The following NIBAN1 variants were observed in gnomAD, a reference collection of about 807,000 sequenced individuals.
NIBAN1 encodes protein Niban 1.
A neutral mutation model predicts 75.1 loss-of-function variants in NIBAN1; 81 were observed. The observed-to-expected ratio is 1.08, with a 90% CI of 0.90 to 1.30. The LOEUF (loss-of-function observed/expected upper bound fraction) is 1.30. Ranked by LOEUF, NIBAN1 falls within the 50% of genes most tolerant of loss-of-function variation. The pLI is 0.00. For missense variants in NIBAN1, 1,133 were observed against 1,128.1 expected, an observed-to-expected ratio of 1.00 and a Z score of -0.06; for synonymous variants, 436 against 424.8, an observed-to-expected ratio of 1.03 and a Z score of -0.32.
intron 1 of NIBAN1, among the ~76,000 whole-genome samples, chr1:184,940,826 A>C (rs1268670786): frequency 6.6e-6 from 1 of 152,260 alleles, no homozygotes; most frequent in African/African-American, 2.4e-5. Flanking sequence ...GAGGAGGATC[A>C]TTCCATTTCT....
chr1:184,834,806 C>T (rs1655094742), intron 5 of NIBAN1, among the ~76,000 whole-genome samples: 1 of 152,058 alleles, frequency 6.6e-6, no homozygotes, highest in Non-Finnish European at 1.5e-5. Context: ...CTGTAGGTTG[C>T]CTGTTCACTC....
At chr1:184,973,961 G>A (rs1473522680) in intron 1 of NIBAN1, among the ~76,000 whole-genome samples, 2 of 152,302 alleles carry the variant, frequency 1.3e-5, no homozygotes, top group East Asian at 3.9e-4. Context: ...GGCCAGTTCA[G>A]AAACCGCTCA....
intron 1 of NIBAN1, among the ~76,000 whole-genome samples, chr1:184,938,095 A>T (rs1379383895): frequency 6.6e-6 from 1 of 152,244 alleles, no homozygotes; most frequent in African/African-American, 2.4e-5. Context: ...ATGGAGATTA[A>T]CAGGGAGCTG....
At chr1:184,827,560 G>GTTTTGTTTT (rs1553217799) in intron 6 of NIBAN1, among the ~76,000 whole-genome samples, 1 of 117,682 alleles carries the variant, frequency 8.5e-6, no homozygotes. Context: ...AAATACTTCA[G>GTTTTGTTTT]TTTTTTTTTT....
rs770427211 is a variant in NIBAN1 at position 184,913,206 on chromosome 1, T to A, written c.56-13897A>T. On this transcript the variant is annotated intron_variant, in intron 1 of 13. Coordinates refer to ENST00000367511, the MANE Select transcript of NIBAN1 (RefSeq NM_052966.4). ...CAGGTATATATATATATAGGAAAAA[T>A]TTGTAGACATGAAAATGCTAAGTCA... is the stretch of plus-strand genomic sequence containing the variant. Among the ~76,000 whole-genome samples, 95 of 147,284 alleles carry A rather than the reference T, an allele frequency of 6.5e-4. 3 individuals carry two copies. The highest frequency in any genetic ancestry group is 1.1e-3 in the Non-Finnish European group (74 of 65,792).
In NIBAN1 at chr1:184,825,335, G is replaced by T. The variant is rs561446408; in HGVS notation, c.718-1593C>A. Among the ~76,000 whole-genome samples, 251 of 152,294 alleles carry T rather than the reference G, an allele frequency of 1.6e-3. 2 individuals are homozygous for T. The highest frequency in any genetic ancestry group is 5.6e-3 in the African/African-American group (232 of 41,552). ...CATTGAAGAAGAGAGTTTGGAAGTT[G>T]TTGTATACTGTTAGCAATTGTCTGC... On this transcript the variant is annotated intron_variant, in intron 6 of 13. Coordinates refer to ENST00000367511, the MANE Select transcript of NIBAN1 (RefSeq NM_052966.4).
intron 6 of NIBAN1, among the ~76,000 whole-genome samples, chr1:184,824,651 A>T (rs1654796337): frequency 6.6e-6 from 1 of 152,228 alleles, no homozygotes; most frequent in South Asian, 2.1e-4. Context: ...TGCGTTTTTG[A>T]TAACTGTGTA....
chr1:184,858,762 G>T (rs902367534), intron 5 of NIBAN1, among the ~76,000 whole-genome samples: 3 of 152,166 alleles, frequency 2.0e-5, no homozygotes, highest in Non-Finnish European at 4.4e-5. Flanking sequence ...GGTGATAGTG[G>T]TAAACCTGGG....
At chr1:184,858,262 T>C (rs1362796721) in intron 5 of NIBAN1, among the ~76,000 whole-genome samples, 1 of 151,086 alleles carries the variant, frequency 6.6e-6, no homozygotes, top group African/African-American at 2.4e-5. Context: ...AAGGAAGGAA[T>C]GAATGACAAT....
In NIBAN1 at chr1:184,795,618, G is replaced by A. The variant is rs1653833523; in HGVS notation, c.2146C>T (p.Leu716=). The change falls in exon 14 of 14, where the codon CTG becomes TTG. Residue 716 remains leucine (L), a synonymous_variant. Transcript: ENST00000367511. The part of the protein sequence containing the change: ...SGSLKALRKL[L]TASVEVPVDS... ...ACTGGTACTTCCACGGACGCTGTCAGCAACTTTCTGAGCGCCTTCAAAGAA... is the reference window on the plus strand; with the variant it reads ...ACTGGTACTTCCACGGACGCTGTCAACAACTTTCTGAGCGCCTTCAAAGAA... The A allele has an allele frequency of 6.2e-7, 1 of 1,614,198 alleles. No homozygotes were observed. The highest frequency in any genetic ancestry group is 8.5e-7 in the Non-Finnish European group (1 of 1,180,038).
At chr1:184,796,235 A>G in intron 13 of NIBAN1, 138 bp from the exon 14 acceptor site, 1 of 793,722 alleles carries the variant, frequency 1.3e-6, no homozygotes, top group Non-Finnish European at 1.9e-6. Flanking sequence ...TGATGACCAA[A>G]GTCTATAAAC....
At chr1:184,961,087 C>G (rs1305113725) in intron 1 of NIBAN1, among the ~76,000 whole-genome samples, 2 of 10,164 alleles carry the variant, frequency 2.0e-4, no homozygotes, top group African/African-American at 1.1e-3. Context: ...TTTTTTTTTT[C>G]AGACGGAGTC....
chr1:184,940,211 T>C (rs996638768), intron 1 of NIBAN1, among the ~76,000 whole-genome samples: 2 of 152,046 alleles, frequency 1.3e-5, no homozygotes, highest in African/African-American at 4.8e-5. Context: ...AGAGATGATG[T>C]TGACAAGAGA....
intron 1 of NIBAN1, among the ~76,000 whole-genome samples, chr1:184,936,708 T>G (rs186853267): frequency 6.6e-6 from 1 of 152,218 alleles, no homozygotes; most frequent in Non-Finnish European, 1.5e-5. Context: ...CGTGTGTGTG[T>G]GCGTGTGTGT....
chr1:184,865,995 C>T (rs868696102), intron 5 of NIBAN1, among the ~76,000 whole-genome samples: 3 of 152,144 alleles, frequency 2.0e-5, no homozygotes, highest in Non-Finnish European at 4.4e-5. Flanking sequence ...ATTAACTATT[C>T]TTATCATTTC....
At chr1:184,838,269 G>A (rs575689692) in intron 5 of NIBAN1, among the ~76,000 whole-genome samples, 147 of 152,204 alleles carry the variant, frequency 9.7e-4, no homozygotes, top group African/African-American at 3.2e-3. Context: ...CCAGAGCCCC[G>A]AACCTGCTGA....
intron 13 of NIBAN1, among the ~76,000 whole-genome samples, chr1:184,796,883 G>A (rs956576981): frequency 1.3e-5 from 2 of 152,324 alleles, no homozygotes; most frequent in African/African-American, 2.4e-5. Context: ...TGGAGGAAAG[G>A]AGTCTTTTTC....
At chr1:184,808,333 A>T (rs338566) in intron 9 of NIBAN1, 98 bp from the exon 10 acceptor site, 371,133 of 1,225,494 alleles carry the variant, frequency 0.3, 62,098 homozygotes, top group African/African-American at 0.59. Flanking sequence ...ATCAAATGCA[A>T]GTTGTTAAAG....
At chr1:184,806,282 T>C (rs112896140) in intron 10 of NIBAN1, among the ~76,000 whole-genome samples, 4 of 152,316 alleles carry the variant, frequency 2.6e-5, no homozygotes, top group South Asian at 2.1e-4. Context: ...CCCAAGGCCA[T>C]GGGACTGAGC....
Sources: gnomAD v4.1 joint callset for allele counts (sites outside exome capture counted in the v4.1 genomes callset) on GRCh38, gnomAD v4.1.1 for gene constraint, MANE v1.5 for transcripts, NCBI Gene and HGNC (gene_info 2026-07-23, HGNC 2026-07-21) for gene names.